Variants in ARHGAP26 observed in about 807,000 individuals in gnomAD.
The protein encoded by ARHGAP26 is Rho GTPase activating protein 26.
A neutral mutation model predicts 104.8 loss-of-function variants in ARHGAP26; 38 were observed. The ratio of observed to expected loss-of-function variants is 0.36; its 90% CI spans 0.28 to 0.48. The LOEUF (loss-of-function observed/expected upper bound fraction) is 0.48, where lower values mean the gene tolerates loss of function less well. Ranked by LOEUF, ARHGAP26 falls within the 20% of genes least tolerant of loss-of-function variation. The probability of loss-of-function intolerance (pLI) is 0.99; values close to 1 mark genes in which losing one functional copy is unlikely to be tolerated. For synonymous variants in ARHGAP26, 341 were observed against 340.0 expected (o/e 1.00, Z -0.03); for missense variants, 704 against 947.9 (o/e 0.74, Z 3.38).
chr5:142,787,088 C>G (rs1488663962), intron 1 of ARHGAP26, among the ~76,000 whole-genome samples: 1 of 152,112 alleles, frequency 6.6e-6, no homozygotes, highest in African/African-American at 2.4e-5. Context: ...GTTATACTTC[C>G]TGTGTTACAT....
intron 4 of ARHGAP26, among the ~76,000 whole-genome samples, chr5:142,884,151 A>G (rs907207257): frequency 7.2e-5 from 11 of 152,230 alleles, no homozygotes; most frequent in Non-Finnish European, 1.3e-4. Context: ...ACCTTCTTCC[A>G]GCTTCCTTGC....
intron 1 of ARHGAP26, among the ~76,000 whole-genome samples, chr5:142,827,885 C>G (rs1767604934): frequency 6.6e-6 from 1 of 152,236 alleles, no homozygotes; most frequent in South Asian, 2.1e-4. Flanking sequence ...AATGATTCTC[C>G]TGGCATCCGG....
chr5:142,949,233 G>A lies in ARHGAP26; in HGVS notation c.1107+17108G>A, dbSNP rs866143371. 1.0e-4 allele frequency among the ~76,000 whole-genome samples: 2 copies of A among 19,286 alleles called. 1 individual carries two copies. Among genetic ancestry groups the A allele is most frequent in the African/African-American group, 1.6e-3 (2 of 1,256 alleles). 12.7% of individuals were successfully genotyped at this position (19,286 alleles called of 152,430 possible). Reference sequence around the variant, plus strand: ...AGAGAGAGAGAGAGGAGAGAGAGAGGAGAGAGAGAGAGAGAGAGAGAGAGT... The same window carrying A: ...AGAGAGAGAGAGAGGAGAGAGAGAGAAGAGAGAGAGAGAGAGAGAGAGAGT... On this transcript the variant is annotated intron_variant, in intron 11 of 22. Coordinates refer to ENST00000645722, the MANE Select transcript of ARHGAP26 (RefSeq NM_001135608.3).
intron 18 of ARHGAP26, among the ~76,000 whole-genome samples, chr5:143,132,722 C>G (rs1797493121): frequency 6.6e-6 from 1 of 152,122 alleles, no homozygotes; most frequent in African/African-American, 2.4e-5. Flanking sequence ...GGAGGGCAGA[C>G]TCTCTAACCA....
chr5:143,037,063 G>C (rs538376297), intron 12 of ARHGAP26, 133 bp from the exon 13 acceptor site: 35 of 488,580 alleles, frequency 7.2e-5, no homozygotes, highest in Non-Finnish European at 5.6e-5. Context: ...TGTTATTCCT[G>C]TACTGTTATT....
At chr5:143,149,345 G>C (rs1446454853) in intron 20 of ARHGAP26, among the ~76,000 whole-genome samples, 1 of 152,182 alleles carries the variant, frequency 6.6e-6, no homozygotes, top group Non-Finnish European at 1.5e-5. Context: ...GGTCAGGGAA[G>C]GTTGTTCCTG....
intron 19 of ARHGAP26, among the ~76,000 whole-genome samples, chr5:143,142,573 T>C (rs186393322): frequency 1.3e-5 from 2 of 152,278 alleles, no homozygotes; most frequent in East Asian, 3.9e-4. Flanking sequence ...AGTTTGTTTT[T>C]ATCATAGGGA....
chr5:143,105,403 A>AAATAAAT (rs1793854719), intron 17 of ARHGAP26, among the ~76,000 whole-genome samples: 1 of 150,978 alleles, frequency 6.6e-6, no homozygotes, highest in African/African-American at 2.4e-5. Context: ...ATAAATAAAT[A>AAATAAAT]AATAAATAAA....
At chr5:142,793,726 T>C (rs972977493) in intron 1 of ARHGAP26, among the ~76,000 whole-genome samples, 1 of 152,132 alleles carries the variant, frequency 6.6e-6, no homozygotes, top group Non-Finnish European at 1.5e-5. Flanking sequence ...TAGCTGGGAT[T>C]ACAGATGTGC....
chr5:143,108,742 G>T (rs1434304051), intron 17 of ARHGAP26, among the ~76,000 whole-genome samples: 2 of 152,166 alleles, frequency 1.3e-5, no homozygotes, highest in Non-Finnish European at 2.9e-5. Flanking sequence ...ATGAGTGTAT[G>T]CTTCTTTATC....
At chr5:143,049,719 A>G (rs1784727881) in intron 14 of ARHGAP26, among the ~76,000 whole-genome samples, 1 of 152,144 alleles carries the variant, frequency 6.6e-6, no homozygotes, top group Non-Finnish European at 1.5e-5. Flanking sequence ...TTGGAGGGGT[A>G]TTGTACATAA....
At chr5:143,171,259 C>T (rs1487999004) in intron 20 of ARHGAP26, among the ~76,000 whole-genome samples, 1 of 152,132 alleles carries the variant, frequency 6.6e-6, no homozygotes, top group Non-Finnish European at 1.5e-5. Context: ...AACTGGGTTT[C>T]AGGGGGATAA....
At chr5:143,018,967 T>G (rs1002205519) in intron 12 of ARHGAP26, among the ~76,000 whole-genome samples, 1 of 152,254 alleles carries the variant, frequency 6.6e-6, no homozygotes, top group African/African-American at 2.4e-5. Context: ...GGGTTTTGAA[T>G]GTCTTTCCAT....
At chr5:143,127,481 T>C (rs1425677810) in intron 18 of ARHGAP26, among the ~76,000 whole-genome samples, 1 of 152,218 alleles carries the variant, frequency 6.6e-6, no homozygotes, top group Non-Finnish European at 1.5e-5. Context: ...ATTGAGCTGT[T>C]AATTCTCAGA....
At chr5:142,924,250 T>C (rs891116070) in intron 10 of ARHGAP26, among the ~76,000 whole-genome samples, 3 of 152,022 alleles carry the variant, frequency 2.0e-5, no homozygotes, top group African/African-American at 4.8e-5. Context: ...CCTCCCTCCT[T>C]CCTTCCTTTC....
At chr5:142,806,188 G>A (rs1186195195) in intron 1 of ARHGAP26, among the ~76,000 whole-genome samples, 2 of 152,204 alleles carry the variant, frequency 1.3e-5, no homozygotes, top group Non-Finnish European at 2.9e-5. Flanking sequence ...GACCTTCTGA[G>A]CTCAAGTGAT....
At chr5:143,206,765 A>G (rs1445110373) in intron 20 of ARHGAP26, among the ~76,000 whole-genome samples, 1 of 151,058 alleles carries the variant, frequency 6.6e-6, no homozygotes, top group African/African-American at 2.5e-5. Context: ...GGCCCAGAAG[A>G]AAAAAAACAT....
intron 1 of ARHGAP26, among the ~76,000 whole-genome samples, chr5:142,866,450 A>G (rs1561979397): frequency 6.6e-6 from 1 of 152,196 alleles, no homozygotes; most frequent in Non-Finnish European, 1.5e-5. Flanking sequence ...GGTTGTGAGG[A>G]TGGAGGGATT....
intron 20 of ARHGAP26, among the ~76,000 whole-genome samples, chr5:143,197,350 C>G (rs566992403): frequency 2.6e-4 from 39 of 152,164 alleles, no homozygotes; most frequent in Non-Finnish European, 4.4e-4. Flanking sequence ...ATATGAGTTA[C>G]AGATGAGAAT....
Sources: allele counts gnomAD v4.1 joint callset (sites outside exome capture counted in the v4.1 genomes callset), GRCh38; gene constraint gnomAD v4.1.1; transcripts MANE v1.5; gene names NCBI Gene and HGNC (gene_info 2026-07-23, HGNC 2026-07-21).